Variants in OSBPL10 observed in about 807,000 individuals in gnomAD.
OSBPL10 encodes the protein oxysterol-binding protein-related protein 10.
Under a neutral mutation model 81.7 loss-of-function variants are expected in OSBPL10, and 49 were observed. The ratio of observed to expected loss-of-function variants is 0.60; its 90% CI spans 0.48 to 0.76. OSBPL10 has a LOEUF of 0.76. Among genes scored for constraint, OSBPL10 ranks in the 30% least tolerant of loss-of-function variants. The pLI, the probability that OSBPL10 is intolerant of heterozygous loss-of-function variation, is 0.00. For missense variants in OSBPL10, 923 were observed against 987.8 expected (o/e 0.93, Z 0.88); for synonymous variants, 419 against 383.6 (o/e 1.09, Z -1.08).
chr3:31,662,107 A>C lies in OSBPL10; in HGVS notation c.2260T>G (p.Trp754Gly), dbSNP rs944568608. The C allele has an allele frequency of 1.2e-6, 2 of 1,614,066 alleles. No individual in the cohort carries two copies. The highest frequency in any genetic ancestry group is 2.7e-5 in the African/African-American group (2 of 74,940). ...PKYFIQEGDGWVYFNPLWKAH is the reference protein window; with the variant it reads ...PKYFIQEGDGGVYFNPLWKAH ...TTCCAGAGGGGATTGAAGTATACCC[A>C]GCCATCGCCCTGCAAGAGAAGAAAG... Residue 754 changes from tryptophan (W) to glycine (G), a missense_variant, in exon 12 of 12, where the codon TGG becomes GGG. Around this residue, in one of 3 missense-constraint regions of OSBPL10, gnomAD observed 387 missense variants for 436.3 expected, o/e 0.89. Coordinates refer to ENST00000396556, the MANE Select transcript of OSBPL10 (RefSeq NM_017784.5).
chr3:31,839,575 T>C (rs558013206), intron 3 of OSBPL10, among the ~76,000 whole-genome samples: 1 of 151,938 alleles, frequency 6.6e-6, no homozygotes, highest in East Asian at 2.0e-4. Context: ...GAACGCTTCA[T>C]GAGAAGGTAA....
chr3:31,787,594 C>CAA (rs34814978), intron 4 of OSBPL10, among the ~76,000 whole-genome samples: 1,451 of 126,108 alleles, frequency 0.012, 30 homozygotes, highest in African/African-American at 0.041. Context: ...GACTCCGCCT[C>CAA]AAAAAAAAAA....
intron 1 of OSBPL10, among the ~76,000 whole-genome samples, chr3:32,067,108 A>T (rs1167448570): frequency 3.3e-5 from 5 of 152,274 alleles, no homozygotes; most frequent in African/African-American, 9.6e-5. Flanking sequence ...ATAAAAACTG[A>T]CTGTTCTTCT....
At chr3:32,061,656 G>T in intron 1 of OSBPL10, among the ~76,000 whole-genome samples, 1 of 92,746 alleles carries the variant, frequency 1.1e-5, no homozygotes. Context: ...TGTTTTTTAA[G>T]ACAGGGTCTC....
intron 1 of OSBPL10, among the ~76,000 whole-genome samples, chr3:31,900,711 C>T (rs945124671): frequency 1.3e-5 from 2 of 152,184 alleles, no homozygotes; most frequent in African/African-American, 4.8e-5. Context: ...TCAATTAACT[C>T]TTTGGATGTT....
intron 1 of OSBPL10, among the ~76,000 whole-genome samples, chr3:32,069,271 GT>G (rs1403541228): frequency 1.3e-5 from 2 of 152,164 alleles, no homozygotes; most frequent in Admixed American, 6.5e-5. Context: ...ACGGGAAAGA[GT>G]TTTTTTCTGT....
At chr3:32,067,365 C>A (rs1421659930) in intron 1 of OSBPL10, among the ~76,000 whole-genome samples, 1 of 152,120 alleles carries the variant, frequency 6.6e-6, no homozygotes, top group Non-Finnish European at 1.5e-5. Flanking sequence ...GTTCTCTCAT[C>A]TTGAGGAGCA....
At chr3:31,740,453 A>G (rs531370452) in intron 5 of OSBPL10, among the ~76,000 whole-genome samples, 1 of 152,332 alleles carries the variant, frequency 6.6e-6, no homozygotes, top group Non-Finnish European at 1.5e-5. Flanking sequence ...TACTAATATT[A>G]AAATATTAAT....
intron 1 of OSBPL10, among the ~76,000 whole-genome samples, chr3:31,954,587 G>A (rs1248803598): frequency 6.6e-6 from 1 of 152,130 alleles, no homozygotes; most frequent in Non-Finnish European, 1.5e-5. Flanking sequence ...TCTATATTGG[G>A]GGCAGGGGGA....
At chr3:31,878,107 T>A (rs1484565823) in intron 2 of OSBPL10, among the ~76,000 whole-genome samples, 1 of 152,182 alleles carries the variant, frequency 6.6e-6, no homozygotes, top group Non-Finnish European at 1.5e-5. Context: ...ATTTAGCAAT[T>A]GTGATTATTC....
intron 1 of OSBPL10, among the ~76,000 whole-genome samples, chr3:31,890,098 T>C (rs1695851784): frequency 6.6e-6 from 1 of 151,346 alleles, no homozygotes; most frequent in Non-Finnish European, 1.5e-5. Context: ...CAAGAAGTTT[T>C]CCAAGTGATT....
At chr3:31,899,270 AT>A (rs1443032770) in intron 1 of OSBPL10, among the ~76,000 whole-genome samples, 2 of 152,222 alleles carry the variant, frequency 1.3e-5, no homozygotes, top group East Asian at 3.9e-4. Flanking sequence ...CTTAATATGG[AT>A]GGTAAAGTTT....
chr3:31,990,094 G>A (rs1007874767), intron 2 of OSBPL10: 3 of 1,611,730 alleles, frequency 1.9e-6, no homozygotes, highest in Non-Finnish European at 2.5e-6. Flanking sequence ...TCATACTGGA[G>A]AGAAACCATA....
chr3:31,919,819 C>T (rs1696861684), intron 1 of OSBPL10, among the ~76,000 whole-genome samples: 1 of 152,216 alleles, frequency 6.6e-6, no homozygotes, highest in Non-Finnish European at 1.5e-5. Context: ...GCAAATCTAT[C>T]CACCAAATCA....
chr3:31,802,054 C>A (rs1415999582), intron 4 of OSBPL10, among the ~76,000 whole-genome samples: 1 of 151,600 alleles, frequency 6.6e-6, no homozygotes, highest in African/African-American at 2.4e-5. Context: ...AACTCCCGAC[C>A]TCAGGTGATC....
intron 6 of OSBPL10, chr3:31,704,605 T>C (rs1464953534): frequency 6.6e-6 from 1 of 152,184 alleles, no homozygotes; most frequent in African/African-American, 2.4e-5. Flanking sequence ...TGCTTGAAAT[T>C]AGCTGTTCTC....
At chr3:31,870,902 G>C (rs1285710664) in intron 3 of OSBPL10, among the ~76,000 whole-genome samples, 3 of 152,154 alleles carry the variant, frequency 2.0e-5, no homozygotes, top group Non-Finnish European at 4.4e-5. Context: ...GTATCTAGCT[G>C]CTCTGGTGAG....
intron 2 of OSBPL10, among the ~76,000 whole-genome samples, chr3:32,014,624 G>C (rs1034795999): frequency 2.0e-5 from 3 of 152,198 alleles, no homozygotes; most frequent in South Asian, 2.1e-4. Flanking sequence ...GGAAATAAAG[G>C]GTATTCAATT....
chr3:31,766,342 T>G (rs1301624411), intron 4 of OSBPL10, among the ~76,000 whole-genome samples: 1 of 107,656 alleles, frequency 9.3e-6, no homozygotes, highest in African/African-American at 5.4e-5. Flanking sequence ...TTTTTGTTTT[T>G]TTTTGTTTTT....
Sources: allele counts gnomAD v4.1 joint callset (sites outside exome capture counted in the v4.1 genomes callset), GRCh38; gene constraint gnomAD v4.1.1; regional missense constraint gnomAD v4.1.1; transcripts MANE v1.5; gene names NCBI Gene and HGNC (gene_info 2026-07-23, HGNC 2026-07-21).